UFSP2: variants seen among roughly 807,000 people sequenced by gnomAD.
UFSP2 encodes ufm1-specific protease 2.
Under a neutral mutation model 60.2 loss-of-function variants are expected in UFSP2, and 43 were observed. The observed-to-expected ratio is 0.71, with a 90% CI of 0.56 to 0.92. The LOEUF (loss-of-function observed/expected upper bound fraction) is 0.92, where lower values mean the gene tolerates loss of function less well. UFSP2 is among the 40% of genes least tolerant of loss of function. UFSP2 has a pLI of 0.00. For synonymous variants in UFSP2, 183 were observed against 195.1 expected (o/e 0.94, Z 0.52); for missense variants, 520 against 575.0 (o/e 0.90, Z 0.98).
chr4:185,402,431 A>G, intron 11 of UFSP2: 1 of 399,742 alleles, frequency 2.5e-6, no homozygotes, highest in Middle Eastern at 7.0e-4. Flanking sequence ...ATCATAAACA[A>G]AAGACTTCAG....
chr4:185,412,903 TCCA>T (rs1245777766), intron 7 of UFSP2, among the ~76,000 whole-genome samples: 4 of 152,008 alleles, frequency 2.6e-5, no homozygotes, highest in African/African-American at 9.7e-5. Flanking sequence ...AAGTAACCCT[TCCA>T]CCACCCTCCG....
At chr4:185,424,677 C>A (rs1225799594) in intron 1 of UFSP2, among the ~76,000 whole-genome samples, 1 of 152,076 alleles carries the variant, frequency 6.6e-6, no homozygotes, top group African/African-American at 2.4e-5. Flanking sequence ...TACTACCAAA[C>A]AAACTAGTAT....
chr4:185,400,600 C>A, intron 11 of UFSP2, 122 bp from the exon 12 acceptor site: 1 of 594,338 alleles, frequency 1.7e-6, no homozygotes, highest in Non-Finnish European at 2.9e-6. Context: ...CTTTATCATT[C>A]AAGGATTTGA....
intron 10 of UFSP2, among the ~76,000 whole-genome samples, chr4:185,404,493 G>A (rs1290010883): frequency 1.3e-5 from 2 of 151,818 alleles, no homozygotes; most frequent in South Asian, 2.1e-4. Context: ...TAGAGACGGG[G>A]TTTCACTGTT....
chr4:185,400,418 G>T lies in UFSP2; in HGVS notation c.1384C>A (p.Leu462Ile). ...WNKDAYYNLC[L>I]PQRPNMI ...TAAATCATATTTGGTCGCTGAGGAA[G>T]ACATAAGTTATAGTATGCATCCTTG... The change falls in exon 12 of 12, where the codon CTT (leucine) becomes ATT (isoleucine). Residue 462 changes from leucine (L) to isoleucine (I), a missense_variant. Coordinates refer to ENST00000264689, the MANE Select transcript of UFSP2 (RefSeq NM_018359.5). 1 of 1,613,706 alleles carries T rather than the reference G, an allele frequency of 6.2e-7. No homozygotes were observed. Among genetic ancestry groups the T allele is most frequent in the Non-Finnish European group, 8.5e-7 (1 of 1,179,758 alleles).
rs1404628636 is a variant in UFSP2, at chr4:185,408,307, T to C, written c.960A>G (p.Thr320=). The change falls in exon 8 of 12, where the codon ACA becomes ACG. Residue 320 remains threonine, a synonymous_variant. Coordinates refer to ENST00000264689, the MANE Select transcript of UFSP2 (RefSeq NM_018359.5). The part of the protein sequence containing the change: ...ICSWFKHQGY[T]ERSIPTHREI... ...CTCTGTGTGTTGGAATGGACCTCTC[T>C]GTGTATCCCTGATGTTTGAACCAAG... is the stretch of plus-strand genomic sequence containing the variant. 3 of 1,614,080 alleles carry C rather than the reference T, an allele frequency of 1.9e-6. No homozygotes were observed. Among genetic ancestry groups the C allele is most frequent in the African/African-American group, 1.3e-5 (1 of 74,936 alleles).
chr4:185,407,153 C>T (rs1446229042), intron 9 of UFSP2, among the ~76,000 whole-genome samples: 2 of 148,258 alleles, frequency 1.3e-5, no homozygotes, highest in South Asian at 2.1e-4. Flanking sequence ...TGGGTTCAAG[C>T]GATTCTCCTG....
At position 185,418,645 on chromosome 4, in the gene UFSP2, T is replaced by C. The variant is rs760449493; in HGVS notation, c.208A>G (p.Thr70Ala). 2.5e-6 allele frequency: 4 copies of C among 1,613,828 alleles called. No individual in the cohort carries two copies. The African/African-American group carries it at 5.3e-5, about 22-fold the overall frequency. Residue 70 changes from threonine to alanine, a missense_variant, in exon 3 of 12, where the codon ACC (threonine) becomes GCC (alanine). Physicochemically the swap from Thr to Ala is moderately conservative, Grantham distance 58 (BLOSUM62 0). Coordinates refer to ENST00000264689, the MANE Select transcript of UFSP2 (RefSeq NM_018359.5). ...GCATCAGTCAGTTCTCCAGGAATGG[T>C]GTTTATGTCACTGCTAGGCCATATA... Reference protein sequence around the residue: ...VYIWPSSDINTIPGELTDASA... With the variant: ...VYIWPSSDINAIPGELTDASA...
At chr4:185,409,285 T>G (rs113647699) in intron 7 of UFSP2, among the ~76,000 whole-genome samples, 1,807 of 152,300 alleles carry the variant, frequency 0.012, 36 homozygotes, top group African/African-American at 0.041. Context: ...ATAAATAAAT[T>G]ACTAATATCA....
Position 185,408,452 on chromosome 4 carries a change from AAC to A in UFSP2, c.832-19_832-18del, listed in dbSNP as rs1290634058. The stretch of plus-strand genomic sequence containing the variant: ...CACATAAATCTATATACAGAGAAGA[AAC>A]ACAGTAAAATATTAACTTAGGATAG... On this transcript the variant is annotated intron_variant, in intron 7 of 11. Transcript: ENST00000264689. 1 of 1,608,134 alleles carries A rather than the reference AAC, an allele frequency of 6.2e-7. No homozygotes were observed. Among genetic ancestry groups the A allele is most frequent in the Admixed American group, 1.7e-5 (1 of 59,486 alleles).
At chr4:185,424,802 TAA>T (rs1418876722) in intron 1 of UFSP2, among the ~76,000 whole-genome samples, 1 of 152,232 alleles carries the variant, frequency 6.6e-6, no homozygotes, top group Non-Finnish European at 1.5e-5. Context: ...ACTTATCACT[TAA>T]GTCTGTTTCT....
rs199843933 is a variant in UFSP2, at chr4:185,415,871, T to C, written c.334-4A>G. 2.0e-5 allele frequency: 32 copies of C among 1,607,756 alleles called. No individual in the cohort carries two copies. The East Asian group carries it at 4.9e-4, about 25-fold the overall frequency. Reference sequence around the variant, plus strand: ...GATCTATATTTACTATTTGATGCTATATAGATAAACAGTAATAGTCAACTT... The same window carrying C: ...GATCTATATTTACTATTTGATGCTACATAGATAAACAGTAATAGTCAACTT... On this transcript the variant is annotated splice_region_variant and splice_polypyrimidine_tract_variant and intron_variant, in intron 4 of 11. Coordinates refer to ENST00000264689, the MANE Select transcript of UFSP2 (RefSeq NM_018359.5).
Position 185,400,184 on chromosome 4 carries a change from A to G in UFSP2, c.*208T>C, listed in dbSNP as rs1406876930. On this transcript the variant is annotated 3_prime_UTR_variant, in exon 12 of 12. Coordinates refer to ENST00000264689, the MANE Select transcript of UFSP2 (RefSeq NM_018359.5). ...TAAGAACACATGTATTTACATGCCTATAATATGCTGGTTGTGTATGCTTTG... is the reference window on the plus strand; with the variant it reads ...TAAGAACACATGTATTTACATGCCTGTAATATGCTGGTTGTGTATGCTTTG... 1.4e-5 allele frequency: 10 copies of G among 723,938 alleles called. No homozygotes were observed. The highest frequency in any genetic ancestry group is 3.6e-5 in the African/African-American group (2 of 55,910). The allele number at this position is 723,938 out of a possible 1,614,324, so 44.8% of individuals were successfully genotyped here.
intron 10 of UFSP2, among the ~76,000 whole-genome samples, chr4:185,403,962 C>A (rs1388033275): frequency 5.2e-4 from 49 of 94,836 alleles, no homozygotes; most frequent in African/African-American, 1.6e-3. Context: ...CACAGCAAGA[C>A]TCTCAAAAAA....
Position 185,405,811 on chromosome 4 carries a change from A to G in UFSP2, c.1167T>C (p.His389=), listed in dbSNP as rs772336155. ...IASQGRELAN[H]FQSEGTPVMI... is the part of the protein sequence containing the mutation. ...TAACTGGAGTTCCTTCACTTTGGAA[A>G]TGATTAGCCAGTTCCCGTCCTTGAG... is the stretch of plus-strand genomic sequence containing the variant. The change falls in exon 10 of 12, where the codon CAT becomes CAC. Residue 389 remains histidine (H), a synonymous_variant. Transcript: ENST00000264689. The G allele has an allele frequency of 6.2e-7, 1 of 1,614,118 alleles. No homozygotes were observed. The highest frequency in any genetic ancestry group is 8.5e-7 in the Non-Finnish European group (1 of 1,180,000).
At chr4:185,411,661 C>T (rs904197647) in intron 7 of UFSP2, among the ~76,000 whole-genome samples, 4 of 151,682 alleles carry the variant, frequency 2.6e-5, no homozygotes, top group East Asian at 1.9e-4. Flanking sequence ...TGAAATGGTT[C>T]AGAGGGGGAA....
chr4:185,415,278 A>G lies in UFSP2; in HGVS notation c.561T>C (p.Tyr187=), dbSNP rs762196328. The stretch of plus-strand genomic sequence containing the variant: ...GGACCACAATAGATGTTCCTTTCAT[A>G]TATTTCAAAATACATTTTTCCATGT... ...LTDMEKCILK[Y]MKGTSIVVPE... The change falls in exon 6 of 12, where the codon TAT becomes TAC. Residue 187 remains tyrosine, a synonymous_variant. Coordinates refer to ENST00000264689, the MANE Select transcript of UFSP2 (RefSeq NM_018359.5). The G allele has an allele frequency of 6.2e-7, 1 of 1,600,890 alleles. No individual in the cohort carries two copies. Among genetic ancestry groups the G allele is most frequent in the South Asian group, 1.1e-5 (1 of 87,670 alleles).
intron 7 of UFSP2, among the ~76,000 whole-genome samples, chr4:185,412,916 G>A (rs944918274): frequency 1.1e-4 from 16 of 151,946 alleles, no homozygotes; most frequent in South Asian, 4.2e-4. Flanking sequence ...ACCACCCTCC[G>A]CCAATTCACT....
chr4:185,425,943 C>T lies in UFSP2; in HGVS notation c.-75G>A. The T allele has an allele frequency of 3.3e-6, 5 of 1,536,484 alleles. No homozygotes were observed. The highest frequency in any genetic ancestry group is 2.0e-5 in the Admixed American group (1 of 51,254). On this transcript the variant is annotated 5_prime_UTR_variant, in exon 1 of 12. In the 5' UTR this introduces an upstream ATG that the reference lacks. Transcript: ENST00000264689. ...GGGGGCCGGCCCTGAAGTGGTGTCA[C>T]CGCACGGCCCAGGGGCGGGGCCCGG...
Sources: gnomAD v4.1 joint callset for allele counts (sites outside exome capture counted in the v4.1 genomes callset) on GRCh38, gnomAD v4.1.1 for gene constraint, MANE v1.5 for transcripts, NCBI Gene and HGNC (gene_info 2026-07-23, HGNC 2026-07-21) for gene names.